The following LARGE1 variants were observed in gnomAD, a reference collection of about 807,000 sequenced individuals.
LARGE1 encodes xylosyl- and glucuronyltransferase LARGE1.
Under a neutral mutation model 87.6 loss-of-function variants are expected in LARGE1, and 43 were observed. The observed-to-expected ratio is 0.49, with a 90% confidence interval of 0.38 to 0.63. The LOEUF is 0.63. Among genes scored for constraint, LARGE1 ranks in the 30% least tolerant of loss-of-function variants. LARGE1 has a pLI of 0.00. For synonymous variants in LARGE1, 434 were observed against 394.6 expected (o/e 1.10, Z -1.18); for missense variants, 802 against 1,000.2 (o/e 0.80, Z 2.67).
Position 33,516,645 on chromosome 22 carries a change from G to A in LARGE1, c.787+48203C>T, listed in dbSNP as rs553343698. On this transcript the variant is annotated intron_variant, in intron 6 of 14. Coordinates refer to ENST00000397394, the MANE Select transcript of LARGE1 (RefSeq NM_133642.5). ...CCTTCTGCCATCAGGCTGGAGTGCA[G>A]TGGTGCCATCTCCGCTCACTGCAAA... Among the ~76,000 whole-genome samples the A allele has an allele frequency of 1.2e-4, 13 of 108,306 alleles. No individual in the cohort carries two copies. In the South Asian group the frequency reaches 4.6e-3, roughly 38 times the overall value. The allele number at this position is 108,306 out of a possible 152,430, so 71.1% of individuals were successfully genotyped here. A position where few individuals can be genotyped will look rare whatever the true frequency, so the allele number is the denominator to read the frequency against.
intron 11 of LARGE1, among the ~76,000 whole-genome samples, chr22:33,228,372 C>T (rs1481701919): frequency 6.6e-6 from 1 of 152,266 alleles, no homozygotes; most frequent in Non-Finnish European, 1.5e-5. Context: ...GCAAACATTA[C>T]ATGGGAATAC....
At chr22:33,070,765 G>A in the LARGE1 span, among the ~76,000 whole-genome samples, 1 of 152,186 alleles carries the variant, frequency 6.6e-6, no homozygotes, top group Non-Finnish European at 1.5e-5. Context: ...GAACATGTGT[G>A]AGTGTTCCAG....
At position 33,346,703 on chromosome 22, in the gene LARGE1, TTG is replaced by T. The variant is rs1939807814; in HGVS notation, c.1132-8904_1132-8903del. Among the ~76,000 whole-genome samples, 5 of 152,246 alleles carry T rather than the reference TTG, an allele frequency of 3.3e-5. No homozygotes were observed. In the South Asian group the frequency reaches 1.0e-3, roughly 32 times the overall value. On this transcript the variant is annotated intron_variant, in intron 9 of 14. Coordinates refer to ENST00000397394, the MANE Select transcript of LARGE1 (RefSeq NM_133642.5). The stretch of plus-strand genomic sequence containing the variant: ...CCTGAACACTCACATTGACACCTCC[TTG>T]TGTGTCTCCCCCTCCACCCCATTCT...
intron 4 of LARGE1, among the ~76,000 whole-genome samples, chr22:33,610,654 G>T (rs912377275): frequency 6.6e-6 from 1 of 152,144 alleles, no homozygotes; most frequent in African/African-American, 2.4e-5. Context: ...GGTGGTGGGG[G>T]AGAAGAACCC....
Position 33,826,129 on chromosome 22 carries a change from C to T in LARGE1, c.-82-64571G>A, listed in dbSNP as rs569503246. 2.1e-4 allele frequency among the ~76,000 whole-genome samples: 32 copies of T among 152,198 alleles called. 2 individuals carry two copies. In the South Asian group the frequency reaches 6.4e-3, roughly 31 times the overall value. On this transcript the variant is annotated intron_variant, in intron 1 of 14. Coordinates refer to ENST00000397394, the MANE Select transcript of LARGE1 (RefSeq NM_133642.5). ...AAACGGTGGCTTAAAACAACAGAAA[C>T]ATAACTCTCTCACAAGTTTGGAAGC...
intron 9 of LARGE1, among the ~76,000 whole-genome samples, chr22:33,359,650 G>A (rs1162627775): frequency 2.1e-5 from 3 of 142,802 alleles, no homozygotes; most frequent in Non-Finnish European, 3.0e-5. Context: ...TGCAAGCTCC[G>A]CCTCCCGGGT....
intron 5 of LARGE1, among the ~76,000 whole-genome samples, chr22:33,576,292 C>T (rs1202766006): frequency 6.6e-6 from 1 of 152,182 alleles, no homozygotes; most frequent in South Asian, 2.1e-4. Flanking sequence ...TACTGATGCA[C>T]CTGCTTCGTT....
chr22:33,623,177 G>A (rs978691395), intron 4 of LARGE1, among the ~76,000 whole-genome samples: 1 of 148,220 alleles, frequency 6.7e-6, no homozygotes, highest in Non-Finnish European at 1.5e-5. Flanking sequence ...GACCTGATAC[G>A]TCATGGCAAC....
At position 33,785,092 on chromosome 22, in the gene LARGE1, T is replaced by TATAG. The variant is rs1556043160; in HGVS notation, c.-82-23535_-82-23534insCTAT. 3.1e-4 allele frequency among the ~76,000 whole-genome samples: 46 copies of TATAG among 147,762 alleles called. 1 individual carries two copies. Among genetic ancestry groups the TATAG allele is most frequent in the African/African-American group, 1.1e-3 (44 of 39,136 alleles). ...ATATGTGTATACATACATATGTGTA[T>TATAG]ATACATGTGTATACATACATATGTG... On this transcript the variant is annotated intron_variant, in intron 1 of 14. Coordinates refer to ENST00000397394, the MANE Select transcript of LARGE1 (RefSeq NM_133642.5).
the LARGE1 span, among the ~76,000 whole-genome samples, chr22:33,090,070 G>C: frequency 6.6e-6 from 1 of 152,232 alleles, no homozygotes; most frequent in Non-Finnish European, 1.5e-5. Context: ...GCCAGATGTG[G>C]TGGTGGGCAC....
intron 2 of LARGE1, among the ~76,000 whole-genome samples, chr22:33,677,341 A>G (rs569019917): frequency 1.1e-4 from 17 of 152,138 alleles, no homozygotes; most frequent in Non-Finnish European, 2.2e-4. Context: ...GGCCCAAGGA[A>G]AAAGGACAGT....
intron 5 of LARGE1, among the ~76,000 whole-genome samples, chr22:33,570,957 A>G (rs1218656790): frequency 2.0e-5 from 3 of 152,160 alleles, no homozygotes; most frequent in Non-Finnish European, 2.9e-5. Flanking sequence ...AATTTTCCCG[A>G]GAGCACCCCA....
chr22:33,697,556 A>AT (rs1425488061), intron 2 of LARGE1, among the ~76,000 whole-genome samples: 9 of 150,770 alleles, frequency 6.0e-5, no homozygotes, highest in Admixed American at 3.3e-4. Context: ...TCCCAAAAAA[A>AT]AAAAAAAAAA....
intron 10 of LARGE1, among the ~76,000 whole-genome samples, chr22:33,336,517 C>A (rs1015418182): frequency 2.0e-5 from 3 of 151,762 alleles, no homozygotes; most frequent in Admixed American, 6.6e-5. Flanking sequence ...AGTTTTTATT[C>A]TCCATTTGAC....
At chr22:33,335,937 C>T in intron 10 of LARGE1, among the ~76,000 whole-genome samples, 1 of 152,194 alleles carries the variant, frequency 6.6e-6, no homozygotes, top group East Asian at 1.9e-4. Context: ...AACTGTGTCT[C>T]CTCCACCAGA....
chr22:33,618,223 A>G (rs1049689444), intron 4 of LARGE1, among the ~76,000 whole-genome samples: 2 of 152,218 alleles, frequency 1.3e-5, no homozygotes, highest in Admixed American at 6.5e-5. Context: ...ATGATATGGG[A>G]AGATTCAAGG....
chr22:33,708,720 C>T (rs915664401), intron 2 of LARGE1, among the ~76,000 whole-genome samples: 1 of 152,222 alleles, frequency 6.6e-6, no homozygotes, highest in Non-Finnish European at 1.5e-5. Flanking sequence ...CCTGCCGCAG[C>T]CTCCTGAGTA....
In LARGE1 at chr22:33,855,479, G is replaced by C. The variant is rs187560544; in HGVS notation, c.-83+64516C>G. On this transcript the variant is annotated intron_variant, in intron 1 of 14. Transcript: ENST00000397394. ...GCCCAACCCAGAAAGGATCAGGCGA[G>C]AGACCTCAGGGTCTGGAGGGCCCAT... 1.3e-3 allele frequency among the ~76,000 whole-genome samples: 204 copies of C among 152,320 alleles called. 1 individual carries two copies. The highest frequency in any genetic ancestry group is 4.5e-3 in the African/African-American group (186 of 41,550).
chr22:33,155,153 C>T, the LARGE1 span, among the ~76,000 whole-genome samples: 3 of 152,076 alleles, frequency 2.0e-5, no homozygotes, highest in African/African-American at 7.2e-5. Flanking sequence ...TGGACTAATA[C>T]AGTAAATTAG....
Sources: allele counts gnomAD v4.1 joint callset (sites outside exome capture counted in the v4.1 genomes callset), GRCh38; gene constraint gnomAD v4.1.1; transcripts MANE v1.5; gene names NCBI Gene and HGNC (gene_info 2026-07-23, HGNC 2026-07-21).